The following AOPEP variants were observed in gnomAD, a reference collection of about 807,000 sequenced individuals.
AOPEP encodes the protein aminopeptidase O (putative).
A neutral mutation model predicts 98.1 loss-of-function variants in AOPEP; 77 were observed. That is an observed-to-expected ratio of 0.78 (90% CI 0.65 to 0.95). The LOEUF (loss-of-function observed/expected upper bound fraction) is 0.95, where lower values mean the gene tolerates loss of function less well. Among genes scored for constraint, AOPEP ranks in the 40% least tolerant of loss-of-function variants. The probability of loss-of-function intolerance (pLI) is 0.00; values close to 1 mark genes in which losing one functional copy is unlikely to be tolerated. For synonymous variants in AOPEP, 346 were observed against 365.3 expected, an observed-to-expected ratio of 0.95 and a Z score of 0.60; for missense variants, 1,024 against 1,024.7, an observed-to-expected ratio of 1.00 and a Z score of 0.01.
chr9:94,943,149 T>G (rs2057205306), intron 7 of AOPEP, among the ~76,000 whole-genome samples: 1 of 152,140 alleles, frequency 6.6e-6, no homozygotes. Context: ...AAAACTTTTG[T>G]GCGACAGAGG....
intron 1 of AOPEP, among the ~76,000 whole-genome samples, chr9:94,752,829 A>G (rs1255670198): frequency 2.0e-5 from 3 of 152,178 alleles, no homozygotes; most frequent in Non-Finnish European, 2.9e-5. Flanking sequence ...CCTGAAAGCA[A>G]TAGACTATGG....
the AOPEP span, among the ~76,000 whole-genome samples, chr9:95,116,798 A>G: frequency 2.0e-5 from 3 of 152,210 alleles, no homozygotes; most frequent in African/African-American, 4.8e-5. Flanking sequence ...CTGGCAAAGG[A>G]TATCAGGAGA....
intron 5 of AOPEP, among the ~76,000 whole-genome samples, chr9:94,806,052 AC>A (rs1008238516): frequency 1.5e-4 from 23 of 152,098 alleles, no homozygotes. Flanking sequence ...TCAAACCAAA[AC>A]CACCCTACTT....
At chr9:95,093,954 A>AGT in the AOPEP span, among the ~76,000 whole-genome samples, 3 of 152,150 alleles carry the variant, frequency 2.0e-5, no homozygotes, top group Non-Finnish European at 4.4e-5. Context: ...TTGTTGGGTC[A>AGT]GTGTGTGTGA....
intron 5 of AOPEP, among the ~76,000 whole-genome samples, chr9:94,813,082 C>T (rs994808851): frequency 7.9e-5 from 12 of 151,858 alleles, no homozygotes; most frequent in South Asian, 6.3e-4. Flanking sequence ...CGTGGGTTTT[C>T]GAAATAACAT....
intron 7 of AOPEP, among the ~76,000 whole-genome samples, chr9:94,953,176 T>C (rs1313954268): frequency 6.6e-6 from 1 of 152,216 alleles, no homozygotes; most frequent in Admixed American, 6.5e-5. Flanking sequence ...TTATCAAAGC[T>C]AGTGTGGCTT....
intron 14 of AOPEP, among the ~76,000 whole-genome samples, chr9:95,078,954 T>C (rs1446605267): frequency 1.3e-5 from 2 of 152,226 alleles, no homozygotes; most frequent in Non-Finnish European, 2.9e-5. Flanking sequence ...AGGGACTCTT[T>C]CTTGTATAGT....
chr9:94,922,987 A>G lies in AOPEP; in HGVS notation c.1365-999A>G, dbSNP rs184128999. Among the ~76,000 whole-genome samples, 9 of 152,346 alleles carry G rather than the reference A, an allele frequency of 5.9e-5. No homozygotes were observed. The East Asian group carries it at 1.7e-3, about 29-fold the overall frequency. On this transcript the variant is annotated intron_variant, in intron 5 of 16. Coordinates refer to ENST00000375315, the MANE Select transcript of AOPEP (RefSeq NM_001193329.3). ...GTGCCGAGCCGACATGATAGCAAAC[A>G]AATGACTTTTGAAGGGAGGAACCGG...
the AOPEP span, among the ~76,000 whole-genome samples, chr9:95,094,591 TTA>T: frequency 6.6e-6 from 1 of 152,232 alleles, no homozygotes; most frequent in Non-Finnish European, 1.5e-5. Flanking sequence ...CTTTGTCCTT[TTA>T]TGTCTGGCTG....
intron 5 of AOPEP, among the ~76,000 whole-genome samples, chr9:94,834,684 T>C (rs1359705988): frequency 6.6e-6 from 1 of 152,024 alleles, no homozygotes; most frequent in Non-Finnish European, 1.5e-5. Context: ...TCCCAGCTAC[T>C]CGGGAGGCTG....
At chr9:95,123,295 G>A in the AOPEP span, 2 of 294,168 alleles carry the variant, frequency 6.8e-6, no homozygotes, top group Non-Finnish European at 1.3e-5. Context: ...CAGAGTAAGA[G>A]CCTGTCTCAA....
At chr9:94,919,274 A>G (rs1463026239) in intron 5 of AOPEP, among the ~76,000 whole-genome samples, 1 of 152,164 alleles carries the variant, frequency 6.6e-6, no homozygotes, top group Non-Finnish European at 1.5e-5. Flanking sequence ...GTTTGCTTCA[A>G]GTTTTTGGAA....
chr9:94,801,680 A>T lies in AOPEP; in HGVS notation c.1364+678A>T, dbSNP rs145422091. On this transcript the variant is annotated intron_variant, in intron 5 of 16. Coordinates refer to ENST00000375315, the MANE Select transcript of AOPEP (RefSeq NM_001193329.3). ...AATCTATTAATTAATGCCATTGTTC[A>T]GTCATTAATGGGTATCTGTGTTCCA... is the stretch of plus-strand genomic sequence containing the variant. Among the ~76,000 whole-genome samples, 21 of 152,360 alleles carry T rather than the reference A, an allele frequency of 1.4e-4. No individual in the cohort carries two copies. In the East Asian group the frequency reaches 3.9e-3, roughly 28 times the overall value.
At chr9:94,756,759 C>G (rs1222065782) in intron 1 of AOPEP, among the ~76,000 whole-genome samples, 2 of 152,072 alleles carry the variant, frequency 1.3e-5, no homozygotes, top group Admixed American at 6.5e-5. Context: ...CTCATCTCCT[C>G]CCTTTTGCTT....
chr9:95,073,290 C>T (rs1243001161), intron 14 of AOPEP, among the ~76,000 whole-genome samples: 2 of 152,164 alleles, frequency 1.3e-5, no homozygotes, highest in Non-Finnish European at 2.9e-5. Context: ...GGAGCTGGAG[C>T]TGGAGTGGGG....
intron 9 of AOPEP, among the ~76,000 whole-genome samples, chr9:94,964,071 G>A (rs776215067): frequency 6.6e-6 from 1 of 152,196 alleles, no homozygotes; most frequent in Non-Finnish European, 1.5e-5. Context: ...TATCTTGAAT[G>A]GGATGGAACA....
chr9:94,817,487 T>G (rs530947631), intron 5 of AOPEP, among the ~76,000 whole-genome samples: 1 of 152,342 alleles, frequency 6.6e-6, no homozygotes, highest in African/African-American at 2.4e-5. Context: ...ACAAGCATCC[T>G]TGTTCCCTTG....
At chr9:94,971,015 A>T (rs1446168926) in intron 10 of AOPEP, among the ~76,000 whole-genome samples, 1 of 152,172 alleles carries the variant, frequency 6.6e-6, no homozygotes, top group East Asian at 1.9e-4. Context: ...TCACTGAAGC[A>T]ATAAAGTGCA....
chr9:95,137,143 G>A, the AOPEP span, among the ~76,000 whole-genome samples: 39 of 152,364 alleles, frequency 2.6e-4, no homozygotes, highest in African/African-American at 9.1e-4. Flanking sequence ...TTCAAGGCCT[G>A]TCCCTTCACC....
Sources: allele counts gnomAD v4.1 joint callset (sites outside exome capture counted in the v4.1 genomes callset), GRCh38; gene constraint gnomAD v4.1.1; transcripts MANE v1.5; gene names NCBI Gene and HGNC (gene_info 2026-07-23, HGNC 2026-07-21).